SUSD1: variants seen among roughly 807,000 people sequenced by gnomAD.
The protein encoded by SUSD1 is sushi domain-containing protein 1.
A neutral mutation model predicts 86.9 loss-of-function variants in SUSD1; 65 were observed. That is an observed-to-expected ratio of 0.75 (90% CI 0.61 to 0.92). SUSD1 has a LOEUF of 0.92. Ranked by LOEUF, SUSD1 falls within the 40% of genes least tolerant of loss-of-function variation. SUSD1 has a pLI of 0.00. For synonymous variants in SUSD1, 346 were observed against 350.0 expected (o/e 0.99, Z 0.13); for missense variants, 850 against 929.7 (o/e 0.91, Z 1.11).
chr9:112,110,423 G>A (rs1831041471), intron 8 of SUSD1, among the ~76,000 whole-genome samples: 1 of 152,000 alleles, frequency 6.6e-6, no homozygotes, highest in African/African-American at 2.4e-5. Flanking sequence ...CTGAGACAGG[G>A]TCTTGCCCCG....
intron 15 of SUSD1, among the ~76,000 whole-genome samples, chr9:112,046,819 T>A (rs1827975649): frequency 6.6e-6 from 1 of 152,216 alleles, no homozygotes; most frequent in Admixed American, 6.5e-5. Context: ...GCAAAGGAAA[T>A]CAAAGTGGAA....
intron 1 of SUSD1, among the ~76,000 whole-genome samples, chr9:112,162,106 G>C (rs1345891952): frequency 6.6e-6 from 1 of 152,178 alleles, no homozygotes; most frequent in Non-Finnish European, 1.5e-5. Context: ...CCATGTTTAA[G>C]TGTGCAGTTT....
In SUSD1 at chr9:112,063,808, C is replaced by T. The variant is rs115936359; in HGVS notation, c.1754-775G>A. 1.6e-3 allele frequency among the ~76,000 whole-genome samples: 250 copies of T among 152,238 alleles called. 1 individual carries two copies. The highest frequency in any genetic ancestry group is 5.8e-3 in the African/African-American group (240 of 41,532). On this transcript the variant is annotated intron_variant, in intron 12 of 16. Transcript: ENST00000374270. Reference sequence around the variant, plus strand: ...ACTAACCATTCACACTAGAGATGTTCTACATATGCCCCATCTTACTTAATC... The same window carrying T: ...ACTAACCATTCACACTAGAGATGTTTTACATATGCCCCATCTTACTTAATC...
intron 12 of SUSD1, among the ~76,000 whole-genome samples, chr9:112,072,175 G>T (rs1467903867): frequency 1.6e-5 from 2 of 128,892 alleles, no homozygotes; most frequent in African/African-American, 5.9e-5. Context: ...TTTTGAGACG[G>T]AGTCTCACTC....
At position 112,142,445 on chromosome 9, in the gene SUSD1, T is replaced by C. The variant is rs375747176; in HGVS notation, c.581A>G (p.Tyr194Cys). The C allele has an allele frequency of 1.9e-6, 3 of 1,613,998 alleles. No homozygotes were observed. Among genetic ancestry groups the C allele is most frequent in the African/African-American group, 2.7e-5 (2 of 74,916 alleles). The part of the protein sequence containing the change: ...EVPDGYIIGN[Y>C]TSSLGSQVRY... ...AACCTGGCTGCCCAGACTAGACGTA[T>C]AATTTCCTATGATATAGCCATCTGG... The change falls in exon 5 of 17, where the codon TAT becomes TGT. Residue 194 changes from tyrosine (Y) to cysteine (C), a missense_variant. Transcript: ENST00000374270.
At position 112,041,379 on chromosome 9, in the gene SUSD1, C is replaced by G; in HGVS notation, c.*113G>C. 1 of 765,522 alleles carries G rather than the reference C, an allele frequency of 1.3e-6. No individual in the cohort carries two copies. Among genetic ancestry groups the G allele is most frequent in the Non-Finnish European group, 2.4e-6 (1 of 412,020 alleles). The allele number at this position is 765,522 out of a possible 1,614,324, so 47.4% of individuals were successfully genotyped here. A position where few individuals can be genotyped will look rare whatever the true frequency, so the allele number is the denominator to read the frequency against. ...AGCTGGGAATGGAGAAAGTTGCAGGCCCACATGCTCCCTGGACGGAAGTCA... is the reference window on the plus strand; with the variant it reads ...AGCTGGGAATGGAGAAAGTTGCAGGGCCACATGCTCCCTGGACGGAAGTCA... On this transcript the variant is annotated 3_prime_UTR_variant, in exon 17 of 17. Coordinates refer to ENST00000374270, the MANE Select transcript of SUSD1 (RefSeq NM_022486.5).
intron 15 of SUSD1, among the ~76,000 whole-genome samples, chr9:112,044,230 T>C (rs1461091874): frequency 3.3e-5 from 5 of 152,208 alleles, no homozygotes; most frequent in Non-Finnish European, 5.9e-5. Context: ...AATGAATACA[T>C]TGGAACAAAA....
At chr9:112,134,587 G>A (rs1832175259) in intron 5 of SUSD1, among the ~76,000 whole-genome samples, 1 of 152,050 alleles carries the variant, frequency 6.6e-6, no homozygotes, top group Admixed American at 6.6e-5. Context: ...GAGAACGACA[G>A]ACATAGAGGA....
chr9:112,175,067 C>T lies in SUSD1; in HGVS notation c.103+66G>A. On this transcript the variant is annotated intron_variant, in intron 1 of 16. Coordinates refer to ENST00000374270, the MANE Select transcript of SUSD1 (RefSeq NM_022486.5). This position sits in a 1 kb window ranked among gnomAD's most constrained non-coding sequence, Gnocchi z 4.7. ...CAGGGGCGGGGAAGCGTCCGTGCGCCCAGAGTCCTCGAGGCCCAGCCGGGG... is the reference window on the plus strand; with the variant it reads ...CAGGGGCGGGGAAGCGTCCGTGCGCTCAGAGTCCTCGAGGCCCAGCCGGGG... 2.0e-6 allele frequency: 2 copies of T among 993,748 alleles called. No homozygotes were observed. The highest frequency in any genetic ancestry group is 2.4e-6 in the Non-Finnish European group (2 of 835,402). 61.6% of individuals were successfully genotyped at this position (993,748 alleles called of 1,614,324 possible). A position where few individuals can be genotyped will look rare whatever the true frequency, so the allele number is the denominator to read the frequency against.
intron 15 of SUSD1, among the ~76,000 whole-genome samples, chr9:112,050,638 T>G (rs949528558): frequency 2.6e-5 from 4 of 152,154 alleles, no homozygotes; most frequent in African/African-American, 9.7e-5. Flanking sequence ...ACTGATACTG[T>G]GGGCTAAGGG....
rs1477257961 is a variant in SUSD1, at chr9:112,119,079, AATT to A, written c.886+5175_886+5177del. Among the ~76,000 whole-genome samples, 14 of 152,272 alleles carry A rather than the reference AATT, an allele frequency of 9.2e-5. No homozygotes were observed. The East Asian group carries it at 2.1e-3, about 23-fold the overall frequency. ...TCAAATCCTGGCTCTACCATTTGCTAATTATTGAGTGACCATGTAAAAGTCACT... is the reference window on the plus strand; with the variant it reads ...TCAAATCCTGGCTCTACCATTTGCTAATTGAGTGACCATGTAAAAGTCACT... On this transcript the variant is annotated intron_variant, in intron 6 of 16. Coordinates refer to ENST00000374270, the MANE Select transcript of SUSD1 (RefSeq NM_022486.5).
intron 14 of SUSD1, among the ~76,000 whole-genome samples, chr9:112,053,351 C>T (rs1357563108): frequency 2.0e-5 from 3 of 151,524 alleles, no homozygotes; most frequent in African/African-American, 7.3e-5. Context: ...CCCATCCCTA[C>T]TGAAAATATA....
chr9:112,125,422 T>C (rs193282638), intron 5 of SUSD1, among the ~76,000 whole-genome samples: 66 of 152,304 alleles, frequency 4.3e-4, no homozygotes, highest in Admixed American at 3.9e-3. Context: ...TAATGTTTCA[T>C]GTCACACAAT....
At chr9:112,161,946 G>T (rs1389023217) in intron 1 of SUSD1, among the ~76,000 whole-genome samples, 2 of 152,020 alleles carry the variant, frequency 1.3e-5, no homozygotes, top group African/African-American at 4.8e-5. Context: ...TATACAACTT[G>T]CCTCTCAATT....
chr9:112,076,018 G>T (rs1316897638), intron 12 of SUSD1, among the ~76,000 whole-genome samples: 2 of 152,188 alleles, frequency 1.3e-5, no homozygotes, highest in Non-Finnish European at 2.9e-5. Flanking sequence ...AGAGCAGGGG[G>T]AGATGAATTA....
chr9:112,060,169 G>A (rs73530699), intron 13 of SUSD1, among the ~76,000 whole-genome samples: 5,061 of 152,146 alleles, frequency 0.033, 257 homozygotes, highest in African/African-American at 0.11. Flanking sequence ...TAAGAAGAGG[G>A]AGCCCTCCTC....
At chr9:112,147,691 C>T (rs1003179451) in intron 3 of SUSD1, among the ~76,000 whole-genome samples, 1 of 152,322 alleles carries the variant, frequency 6.6e-6, no homozygotes, top group South Asian at 2.1e-4. Flanking sequence ...ATCGCTTGAA[C>T]CCGTGAGGCA....
intron 8 of SUSD1, among the ~76,000 whole-genome samples, chr9:112,105,262 G>A (rs1279588698): frequency 2.0e-5 from 3 of 151,730 alleles, no homozygotes; most frequent in South Asian, 4.2e-4. Flanking sequence ...AGACATGGAC[G>A]ATAAAAAGGA....
At chr9:112,149,890 A>C (rs1461242023) in intron 2 of SUSD1, among the ~76,000 whole-genome samples, 1 of 152,218 alleles carries the variant, frequency 6.6e-6, no homozygotes, top group Non-Finnish European at 1.5e-5. Flanking sequence ...GAGCAGGGCT[A>C]ATGCAGAAGC....
Sources: allele counts gnomAD v4.1 joint callset (sites outside exome capture counted in the v4.1 genomes callset), GRCh38; gene constraint gnomAD v4.1.1; non-coding constraint Gnocchi (gnomAD v3.1); transcripts MANE v1.5; gene names NCBI Gene and HGNC (gene_info 2026-07-23, HGNC 2026-07-21).